Variants in DOT1L observed in about 807,000 individuals in gnomAD.
DOT1L encodes the protein DOT1 like histone lysine methyltransferase, also known as histone-lysine N-methyltransferase, H3 lysine-79 specific.
In DOT1L, 33 loss-of-function variants were observed where a neutral mutation model predicts 153.3. The observed-to-expected ratio is 0.22, with a 90% CI of 0.16 to 0.29. The LOEUF is 0.29. DOT1L is among the 10% of genes least tolerant of loss of function. The pLI, the probability that DOT1L is intolerant of heterozygous loss-of-function variation, is 1.00. For missense variants in DOT1L, 1,847 were observed against 2,119.9 expected, an observed-to-expected ratio of 0.87 and a Z score of 2.53; for synonymous variants, 1,135 against 965.1, an observed-to-expected ratio of 1.18 and a Z score of -3.26.
Position 2,211,221 on chromosome 19 carries a change from G to T in DOT1L, c.1465+9G>T, listed in dbSNP as rs759009372. On this transcript the variant is annotated intron_variant, in intron 15 of 27. Transcript: ENST00000398665. The stretch of plus-strand genomic sequence containing the variant: ...GCTGCAGAAGCTTCTAGGTGAGCCC[G>T]TGTGAGGCGTCCGGCGAAGGGTTCT... 1.3e-6 allele frequency: 2 copies of T among 1,593,010 alleles called. No homozygotes were observed. The highest frequency in any genetic ancestry group is 1.7e-5 in the Admixed American group (1 of 58,578).
At position 2,229,849 on chromosome 19, in the gene DOT1L, G is replaced by A. The variant is rs2024522846; in HGVS notation, c.*57G>A. ...GGACGGTGTGGACCAACTCGCGCCC[G>A]CGGCATGGTGCCCGCCGGCCTGCCG... On this transcript the variant is annotated 3_prime_UTR_variant, in exon 28 of 28. Transcript: ENST00000398665. The A allele has an allele frequency of 2.3e-5, 37 of 1,611,808 alleles. No homozygotes were observed. Among genetic ancestry groups the A allele is most frequent in the South Asian group, 5.5e-5 (5 of 90,954 alleles).
Position 2,197,875 on chromosome 19 carries a change from T to TC in DOT1L, c.652-2006dup, listed in dbSNP as rs2023087304. 6.6e-6 allele frequency among the ~76,000 whole-genome samples: 1 copy of TC among 152,182 alleles called. No individual in the cohort carries two copies. The highest frequency in any genetic ancestry group is 1.5e-5 in the Non-Finnish European group (1 of 68,032). ...GTCAGAGAGGCTTCCACCTGACTGT[T>TC]CCCTGCCCTTTCTGATGGAAACTTG... On this transcript the variant is annotated intron_variant, in intron 7 of 27. Transcript: ENST00000398665. This position sits in a 1 kb window ranked among gnomAD's most constrained non-coding sequence, Gnocchi z 4.1.
At position 2,201,449 on chromosome 19, in the gene DOT1L, C is replaced by T. The variant is rs535812351; in HGVS notation, c.708-1251C>T. Among the ~76,000 whole-genome samples the T allele has an allele frequency of 6.6e-5, 10 of 152,336 alleles. No individual in the cohort carries two copies. The South Asian group carries it at 1.4e-3, about 22-fold the overall frequency. The stretch of plus-strand genomic sequence containing the variant: ...CTGTCTTCCCTGTGCTCTTCTTCCT[C>T]GGGTGTGCTCGTGGCTTGTGGTTGA... On this transcript the variant is annotated intron_variant, in intron 8 of 27. Coordinates refer to ENST00000398665, the MANE Select transcript of DOT1L (RefSeq NM_032482.3).
Position 2,216,643 on chromosome 19 carries a change from G to A in DOT1L, c.2286G>A (p.Lys762=), listed in dbSNP as rs766833669. Residue 762 remains lysine (K), a synonymous_variant, in exon 20 of 28, where the codon AAG becomes AAA. Transcript: ENST00000398665. ...ACGTCGGCCGGCCGCGCCTGGAGAA[G>A]CTGTCTGGCCTAGCCGCACCCGACT... The part of the protein sequence containing the change: ...PSHVGRPRLE[K]LSGLAAPDYT... 1.6e-5 allele frequency: 26 copies of A among 1,605,452 alleles called. No homozygotes were observed. The highest frequency in any genetic ancestry group is 1.9e-5 in the Non-Finnish European group (22 of 1,179,918).
chr19:2,202,149 C>G (rs71337089), intron 8 of DOT1L, among the ~76,000 whole-genome samples: 1 of 152,326 alleles, frequency 6.6e-6, no homozygotes, highest in East Asian at 1.9e-4. Flanking sequence ...CAAGGAGCCT[C>G]GTTTGAGGAT....
rs2144971671 is a variant in DOT1L, at chr19:2,231,048, T to G, written c.*1256T>G. The G allele has an allele frequency of 4.3e-6, 1 of 234,766 alleles. No homozygotes were observed. The highest frequency in any genetic ancestry group is 8.4e-6 in the Non-Finnish European group (1 of 119,530). The allele number at this position is 234,766 out of a possible 1,614,324, so 14.5% of individuals were successfully genotyped here. On this transcript the variant is annotated 3_prime_UTR_variant, in exon 28 of 28. Transcript: ENST00000398665. ...GCCTTGGCGGGTGCCTGGGACTGGG[T>G]GTGGAAGGAGAGGAGCTGAGGCCGG...
In DOT1L at chr19:2,208,818, A is replaced by C; in HGVS notation, c.964-117A>C. The stretch of plus-strand genomic sequence containing the variant: ...CTAGCTGCATGCCTGCTGTCCCCAG[A>C]TACCAGAACAGCCTCCCCAGCCACT... On this transcript the variant is annotated intron_variant, in intron 11 of 27. Coordinates refer to ENST00000398665, the MANE Select transcript of DOT1L (RefSeq NM_032482.3). The surrounding 1 kb of genome is among the most constrained non-coding windows in gnomAD (Gnocchi z 4.4). 1.9e-6 allele frequency: 2 copies of C among 1,062,098 alleles called. No individual in the cohort carries two copies. Among genetic ancestry groups the C allele is most frequent in the South Asian group, 3.0e-5 (2 of 65,616 alleles). The allele number at this position is 1,062,098 out of a possible 1,614,324, so 65.8% of individuals were successfully genotyped here.
chr19:2,218,459 TC>T (rs1206558376), intron 22 of DOT1L, among the ~76,000 whole-genome samples: 2 of 152,186 alleles, frequency 1.3e-5, no homozygotes, highest in Non-Finnish European at 2.9e-5. Flanking sequence ...AGTGGTGCGA[TC>T]TCGGCTCACT....
intron 9 of DOT1L, among the ~76,000 whole-genome samples, chr19:2,205,621 T>C (rs2023461709): frequency 6.6e-6 from 1 of 152,214 alleles, no homozygotes; most frequent in Admixed American, 6.5e-5. Context: ...CCAGTTTGCA[T>C]CTACAGTTAG....
chr19:2,167,871 G>C (rs950941022), intron 1 of DOT1L, among the ~76,000 whole-genome samples: 5 of 151,936 alleles, frequency 3.3e-5, no homozygotes, highest in Non-Finnish European at 7.4e-5. Flanking sequence ...CAGTAGCTGG[G>C]ATTACAGACC....
In DOT1L at chr19:2,223,448, CGAG is replaced by C. The variant is rs767601733; in HGVS notation, c.3562_3564del (p.Glu1188del). 4 of 1,612,948 alleles carry C rather than the reference CGAG, an allele frequency of 2.5e-6. No individual in the cohort carries two copies. The highest frequency in any genetic ancestry group is 2.5e-6 in the Non-Finnish European group (3 of 1,179,904). The stretch of plus-strand genomic sequence containing the variant: ...CACACTACTCCCCACTCACCTCAGA[CGAG>C]GAGCCAGGCTCTGAGGACGAGCCCA... On this transcript the variant is annotated inframe_deletion, in exon 25 of 28. Transcript: ENST00000398665.
intron 1 of DOT1L, among the ~76,000 whole-genome samples, chr19:2,176,994 G>A (rs1338133644): frequency 6.6e-5 from 10 of 152,088 alleles, no homozygotes; most frequent in Admixed American, 4.6e-4. Flanking sequence ...CCTTCCTCCC[G>A]CCCCCAGCCC....
chr19:2,228,304 CG>C (rs1568376275), intron 27 of DOT1L: 1 of 1,350,052 alleles, frequency 7.4e-7, no homozygotes, highest in Admixed American at 2.0e-5. Flanking sequence ...CTCGGCATGC[CG>C]CCTCCCTATG....
rs753335472 is a variant in DOT1L at position 2,225,471 on chromosome 19, G to A, written c.3661+19G>A. ...GAAAATGGTGAGTAACAAGTGTTTT[G>A]CGGCGTGGCCAGGCCTGTCCGTGTG... On this transcript the variant is annotated intron_variant, in intron 26 of 27. Coordinates refer to ENST00000398665, the MANE Select transcript of DOT1L (RefSeq NM_032482.3). The A allele has an allele frequency of 2.9e-5, 47 of 1,613,780 alleles. No individual in the cohort carries two copies. Among genetic ancestry groups the A allele is most frequent in the Non-Finnish European group, 3.7e-5 (44 of 1,179,832 alleles).
chr19:2,164,682 C>T (rs868531134), intron 1 of DOT1L, among the ~76,000 whole-genome samples: 1 of 149,670 alleles, frequency 6.7e-6, no homozygotes. Context: ...CTCTTCTCTT[C>T]TTTTTAAAAA....
chr19:2,180,602 G>T, intron 1 of DOT1L, 111 bp from the exon 2 acceptor site: 1 of 1,346,380 alleles, frequency 7.4e-7, no homozygotes, highest in Non-Finnish European at 1.0e-6. Flanking sequence ...AGCTGCACCA[G>T]TTGGGAAATG....
Position 2,229,884 on chromosome 19 carries a change from C to A in DOT1L, c.*92C>A. The A allele has an allele frequency of 6.2e-7, 1 of 1,607,990 alleles. No homozygotes were observed. The highest frequency in any genetic ancestry group is 1.1e-5 in the South Asian group (1 of 90,946). Reference sequence around the variant, plus strand: ...GCCCGCCGGCCTGCCGGGCTCCCACCCCTGGACGGCAGAGGCAAGGACGGA... The same window carrying A: ...GCCCGCCGGCCTGCCGGGCTCCCACACCTGGACGGCAGAGGCAAGGACGGA... On this transcript the variant is annotated 3_prime_UTR_variant, in exon 28 of 28. Transcript: ENST00000398665.
Position 2,217,136 on chromosome 19 carries a change from G to A in DOT1L, c.2544+46G>A, listed in dbSNP as rs765407212. On this transcript the variant is annotated intron_variant, in intron 21 of 27. Transcript: ENST00000398665. This position sits in a 1 kb window ranked among gnomAD's most constrained non-coding sequence, Gnocchi z 7.3. ...CCCGGGCTCAGGGAGGTGCTCAGCA[G>A]AGGCGGCCTGAGCGAGTTGCTAGCA... 6.6e-7 allele frequency: 1 copy of A among 1,523,964 alleles called. No homozygotes were observed. Among genetic ancestry groups the A allele is most frequent in the East Asian group, 2.3e-5 (1 of 43,454 alleles). 94.4% of individuals were successfully genotyped at this position (1,523,964 alleles called of 1,614,324 possible).
At chr19:2,214,432 A>G in intron 18 of DOT1L, 39 bp from the exon 19 acceptor site, 2 of 1,604,648 alleles carry the variant, frequency 1.2e-6, no homozygotes, top group Non-Finnish European at 1.7e-6. Context: ...CTGGGCAGGC[A>G]GCCAGCCAGT....
Sources: allele counts gnomAD v4.1 joint callset (sites outside exome capture counted in the v4.1 genomes callset), GRCh38; gene constraint gnomAD v4.1.1; non-coding constraint Gnocchi (gnomAD v3.1); transcripts MANE v1.5; gene names NCBI Gene and HGNC (gene_info 2026-07-23, HGNC 2026-07-21).